Variants in MCTP2 observed in about 807,000 individuals in gnomAD.
The protein encoded by MCTP2 is multiple C2 and transmembrane domain-containing protein 2.
A neutral mutation model predicts 111.6 loss-of-function variants in MCTP2; 132 were observed. The ratio of observed to expected loss-of-function variants is 1.18; its 90% confidence interval spans 1.03 to 1.37. The LOEUF (loss-of-function observed/expected upper bound fraction) is 1.37. Among genes scored for constraint, MCTP2 ranks in the 40% most tolerant of loss-of-function variants. MCTP2 has a pLI of 0.00. For missense variants in MCTP2, 1,183 were observed against 1,067.9 expected (o/e 1.11, Z -1.50); for synonymous variants, 395 against 387.7 (o/e 1.02, Z -0.22).
In MCTP2 at chr15:94,310,114, C is replaced by G. The variant is rs2076058551; in HGVS notation, c.466-4168C>G. On this transcript the variant is annotated intron_variant, in intron 2 of 22. Transcript: ENST00000357742. ...TAAACAATCAATAGATAGTACATCC[C>G]CAGGATGGAACACTACTCAGCAATA... Among the ~76,000 whole-genome samples, 3 of 152,194 alleles carry G rather than the reference C, an allele frequency of 2.0e-5. No individual in the cohort carries two copies. In the South Asian group the frequency reaches 6.2e-4, roughly 32 times the overall value.
At chr15:94,325,263 GGTC>G (rs778391125) in intron 4 of MCTP2, among the ~76,000 whole-genome samples, 8 of 151,930 alleles carry the variant, frequency 5.3e-5, no homozygotes, top group Non-Finnish European at 1.0e-4. Flanking sequence ...ACTTGGTGGT[GGTC>G]GTGGGGCGGG....
At chr15:94,344,147 A>G (rs887255535) in intron 7 of MCTP2, 5 of 152,108 alleles carry the variant, frequency 3.3e-5, no homozygotes, top group Admixed American at 6.5e-5. Flanking sequence ...TGAACTCCCA[A>G]TATCACTGGG....
intron 4 of MCTP2, among the ~76,000 whole-genome samples, chr15:94,328,970 C>A (rs74028547): frequency 1.5e-3 from 223 of 152,262 alleles, no homozygotes; most frequent in African/African-American, 5.0e-3. Context: ...TGCAGCATGT[C>A]TTCCTCATGA....
intron 17 of MCTP2, among the ~76,000 whole-genome samples, chr15:94,425,427 C>G (rs1567680830): frequency 6.6e-6 from 1 of 151,984 alleles, no homozygotes; most frequent in Non-Finnish European, 1.5e-5. Flanking sequence ...GTAGAATTCA[C>G]TTTTTGTGTT....
Position 94,367,715 on chromosome 15 carries a change from C to CG in MCTP2, c.1417dup (p.Val473GlyfsTer5). 1 of 1,609,392 alleles carries CG rather than the reference C, an allele frequency of 6.2e-7. No homozygotes were observed. Among genetic ancestry groups the CG allele is most frequent in the East Asian group, 2.2e-5 (1 of 44,446 alleles). ...ATGTTGGTCACACTTACACCCTGTG[C>CG]GGGGGTCTCCGTCTCTGATCTGTGT... On this transcript the variant is annotated frameshift_variant, in exon 11 of 23. Transcript: ENST00000357742. LOFTEE classifies it high-confidence loss of function.
intron 4 of MCTP2, among the ~76,000 whole-genome samples, chr15:94,328,340 G>A (rs536388544): frequency 7.9e-5 from 12 of 152,014 alleles, no homozygotes; most frequent in East Asian, 1.9e-4. Context: ...GTGTTAGCCA[G>A]GATGGTCTTG....
chr15:94,434,693 G>A (rs187435779), intron 17 of MCTP2, among the ~76,000 whole-genome samples: 45 of 152,038 alleles, frequency 3.0e-4, no homozygotes, highest in Non-Finnish European at 5.0e-4. Flanking sequence ...TCTATTTCTG[G>A]ACTCTATCTT....
chr15:94,424,772 T>C (rs2082797344), intron 17 of MCTP2, among the ~76,000 whole-genome samples: 1 of 152,202 alleles, frequency 6.6e-6, no homozygotes, highest in Non-Finnish European at 1.5e-5. Context: ...AGGGGTACTT[T>C]GGTGAGGTCT....
chr15:94,344,952 T>C (rs2077886981), intron 7 of MCTP2, among the ~76,000 whole-genome samples, 177 bp from the exon 8 acceptor site: 1 of 152,214 alleles, frequency 6.6e-6, no homozygotes, highest in Non-Finnish European at 1.5e-5. Context: ...ATGTGACTCT[T>C]TGTTGTTGTT....
At chr15:94,375,439 T>C (rs2079714599) in intron 12 of MCTP2, among the ~76,000 whole-genome samples, 1 of 152,194 alleles carries the variant, frequency 6.6e-6, no homozygotes, top group Admixed American at 6.6e-5. Flanking sequence ...TAGGGAATTA[T>C]CAGGAGGCAA....
At chr15:94,410,058 C>A (rs1188368685) in intron 17 of MCTP2, among the ~76,000 whole-genome samples, 1 of 152,016 alleles carries the variant, frequency 6.6e-6, no homozygotes, top group African/African-American at 2.4e-5. Context: ...AAAATGTGCT[C>A]TTTGGGAATT....
rs969689015 is a variant in MCTP2 at position 94,354,200 on chromosome 15, G to C, written c.1006-1937G>C. Among the ~76,000 whole-genome samples, 36 of 151,948 alleles carry C rather than the reference G, an allele frequency of 2.4e-4. 1 individual carries two copies. The highest frequency in any genetic ancestry group is 1.3e-4 in the Admixed American group (2 of 15,262). On this transcript the variant is annotated intron_variant, in intron 8 of 22. Transcript: ENST00000357742. ...TCTTTTTAAAATTCTTTCCTCATTT[G>C]CCCCTTCTGTTCTGTCTCAGCACCT... is the stretch of plus-strand genomic sequence containing the variant.
chr15:94,264,834 G>A (rs12908060), intron 1 of MCTP2, among the ~76,000 whole-genome samples: 140,606 of 152,236 alleles, frequency 0.92, 64,975 homozygotes, highest in Middle Eastern at 0.95. Flanking sequence ...TCATGTATGA[G>A]AAGATCAAGC....
intron 8 of MCTP2, among the ~76,000 whole-genome samples, chr15:94,347,847 T>C (rs2152413922): frequency 6.6e-6 from 1 of 152,190 alleles, no homozygotes; most frequent in East Asian, 1.9e-4. Flanking sequence ...AAATTACTGA[T>C]TGTGTTCAGA....
Position 94,315,541 on chromosome 15 carries a change from G to A in MCTP2, c.541G>A (p.Ala181Thr). The A allele has an allele frequency of 1.9e-6, 3 of 1,613,926 alleles. No homozygotes were observed. Among genetic ancestry groups the A allele is most frequent in the Non-Finnish European group, 1.7e-6 (2 of 1,179,856 alleles). The change falls in exon 4 of 23, where the codon GCC (alanine) becomes ACC (threonine). Residue 181 changes from alanine to threonine, a missense_variant. Ala to Thr is a moderately conservative substitution (Grantham distance 58). Transcript: ENST00000357742. ...HFEEQSVPGE[A>T]SDGLSNLPSP... ...TCCATCTGTGCAGGTACCGGGGGAA[G>A]CCAGTGATGGCTTGAGTAACCTCCC... is the stretch of plus-strand genomic sequence containing the variant.
intron 1 of MCTP2, among the ~76,000 whole-genome samples, chr15:94,257,749 G>A (rs1190540800): frequency 6.6e-6 from 1 of 151,286 alleles, no homozygotes; most frequent in Non-Finnish European, 1.5e-5. Flanking sequence ...ACCATGCCCA[G>A]CTAATTTTTG....
At chr15:94,306,126 A>G (rs1477223027) in intron 2 of MCTP2, among the ~76,000 whole-genome samples, 2 of 152,158 alleles carry the variant, frequency 1.3e-5, no homozygotes. Context: ...ATGAATGGGG[A>G]GGTTATTCTG....
At chr15:94,457,992 A>C (rs999733718) in intron 19 of MCTP2, 145 bp from the exon 20 acceptor site, 10 of 558,498 alleles carry the variant, frequency 1.8e-5, no homozygotes, top group Non-Finnish European at 2.9e-5. Flanking sequence ...GGGGGGAGTC[A>C]ATATTTAAGT....
chr15:94,442,615 T>G (rs992438833), intron 18 of MCTP2, among the ~76,000 whole-genome samples: 1 of 152,228 alleles, frequency 6.6e-6, no homozygotes, highest in African/African-American at 2.4e-5. Context: ...TTTGTCAGAA[T>G]AAGAACAACA....
Sources: gnomAD v4.1 joint callset for allele counts (sites outside exome capture counted in the v4.1 genomes callset) on GRCh38, gnomAD v4.1.1 for gene constraint, MANE v1.5 for transcripts, NCBI Gene and HGNC (gene_info 2026-07-23, HGNC 2026-07-21) for gene names.